Variants in EPN3 observed in about 807,000 individuals in gnomAD.
The protein encoded by EPN3 is epsin-3.
EPN3 carries 56 observed loss-of-function variants against 55.5 expected under a neutral mutation model. The observed-to-expected ratio is 1.01, with a 90% CI of 0.81 to 1.26. The LOEUF (loss-of-function observed/expected upper bound fraction) is 1.26. Among genes scored for constraint, EPN3 ranks in the 50% most tolerant of loss-of-function variants. EPN3 has a pLI of 0.00. For synonymous variants in EPN3, 449 were observed against 375.2 expected, an observed-to-expected ratio of 1.20 and a Z score of -2.27; for missense variants, 927 against 853.4, an observed-to-expected ratio of 1.09 and a Z score of -1.07.
rs1326596252 is a variant in EPN3, at chr17:50,536,921, ACGTGCG to A, written c.368_373del (p.Val123_Arg124del). On this transcript the variant is annotated inframe_deletion, in exon 2 of 10. Coordinates refer to ENST00000268933, the MANE Select transcript of EPN3 (RefSeq NM_017957.3). ...CGCGACGGCAAGGACCAGGGCGTCA[ACGTGCG>A]CGAGAAGGTCAAGCAGGTGATGGCC... 6.2e-7 allele frequency: 1 copy of A among 1,614,158 alleles called. No individual in the cohort carries two copies. The highest frequency in any genetic ancestry group is 2.2e-5 in the East Asian group (1 of 44,884).
chr17:50,538,292 C>A, intron 3 of EPN3, 95 bp downstream of exon 3: 3 of 950,494 alleles, frequency 3.2e-6, no homozygotes, highest in East Asian at 2.6e-5. Context: ...CTCTGTCACC[C>A]AAAGCCCCAG....
At chr17:50,539,416 T>C (rs1395324295) in intron 5 of EPN3, 101 bp downstream of exon 5, 1 of 1,526,412 alleles carries the variant, frequency 6.6e-7, no homozygotes, top group Non-Finnish European at 8.9e-7. Context: ...TAGTAAGCAC[T>C]GATGTGTTTA....
At position 50,542,597 on chromosome 17, in the gene EPN3, A is replaced by C; in HGVS notation, c.*440A>C. 5.5e-6 allele frequency: 1 copy of C among 180,822 alleles called. No individual in the cohort carries two copies. The highest frequency in any genetic ancestry group is 1.1e-5 in the Non-Finnish European group (1 of 88,248). The allele number at this position is 180,822 out of a possible 1,614,324, so 11.2% of individuals were successfully genotyped here. ...CGGTCATTTCATTCATTTATCACAC[A>C]TGGGCACTGGGGTTGGGCTAACAGC... On this transcript the variant is annotated 3_prime_UTR_variant, in exon 10 of 10. Coordinates refer to ENST00000268933, the MANE Select transcript of EPN3 (RefSeq NM_017957.3).
chr17:50,532,837 G>A lies in EPN3; in HGVS notation c.-285G>A, dbSNP rs879453134. The A allele has an allele frequency of 1.7e-5, 21 of 1,248,222 alleles. No homozygotes were observed. Among genetic ancestry groups the A allele is most frequent in the Non-Finnish European group, 2.1e-5 (20 of 955,584 alleles). The allele number at this position is 1,248,222 out of a possible 1,614,324, so 77.3% of individuals were successfully genotyped here. On this transcript the variant is annotated 5_prime_UTR_variant, in exon 1 of 10. Coordinates refer to ENST00000268933, the MANE Select transcript of EPN3 (RefSeq NM_017957.3). ...CCCCTCTGAGGGGTCTGCACCTCCT[G>A]GGAGCAGGTGGGTCTCTGGGACGAG...
chr17:50,533,050 C>A, intron 1 of EPN3, 65 bp downstream of exon 1: 2 of 1,046,728 alleles, frequency 1.9e-6, no homozygotes, highest in South Asian at 1.3e-5. Context: ...TGGTGGGGAG[C>A]AAACAGTGGT....
chr17:50,540,465 TC>T, intron 6 of EPN3, 131 bp downstream of exon 6: 1 of 861,710 alleles, frequency 1.2e-6, no homozygotes, highest in Non-Finnish European at 1.8e-6. Context: ...ACCTTGAGCC[TC>T]CGCCGCCTGT....
At chr17:50,540,452 AC>A in intron 6 of EPN3, 118 bp downstream of exon 6, 1 of 969,714 alleles carries the variant, frequency 1.0e-6, no homozygotes, top group Non-Finnish European at 1.5e-6. Context: ...CAAGTCACTC[AC>A]CACCTTGAGC....
Position 50,537,107 on chromosome 17 carries a change from C to T in EPN3, c.551C>T (p.Ser184Phe). Residue 184 changes from serine to phenylalanine, a missense_variant, in exon 2 of 10, where the codon TCC becomes TTC. Physicochemically the swap from Ser to Phe is radical, Grantham distance 155. Coordinates refer to ENST00000268933, the MANE Select transcript of EPN3 (RefSeq NM_017957.3). ...EDYSRSRGSP[S>F]SYNSSSSSPR... ...TACAGCCGCTCCCGGGGCTCCCCGT[C>T]CTCCTACAACTGTGAGTAAGCCCCG... The T allele has an allele frequency of 1.3e-6, 2 of 1,599,932 alleles. No individual in the cohort carries two copies.
intron 1 of EPN3, 126 bp from the exon 2 acceptor site, chr17:50,536,295 C>A: frequency 3.1e-6 from 2 of 646,760 alleles, no homozygotes; most frequent in Non-Finnish European, 2.5e-6. Flanking sequence ...GAAATAAGAA[C>A]GTGTGCCGCT....
In EPN3 at chr17:50,532,799, G is replaced by A. The variant is rs746329397; in HGVS notation, c.-323G>A. 473 of 992,034 alleles carry A rather than the reference G, an allele frequency of 4.8e-4. 4 individuals carry two copies. In the Middle Eastern group the frequency reaches 6.1e-3, roughly 13 times the overall value. 61.5% of individuals were successfully genotyped at this position (992,034 alleles called of 1,614,324 possible). Reference sequence around the variant, plus strand: ...GGGAAGAGCTGCTACCCATTCCAGGGACCCTGCCGCTGCCCCTCTGAGGGG... The same window carrying A: ...GGGAAGAGCTGCTACCCATTCCAGGAACCCTGCCGCTGCCCCTCTGAGGGG... On this transcript the variant is annotated 5_prime_UTR_variant, in exon 1 of 10. Transcript: ENST00000268933.
rs1459379989 is a variant in EPN3, at chr17:50,537,026, AG to A, written c.473del (p.Gly158AlafsTer63). 8 of 1,613,160 alleles carry A rather than the reference AG, an allele frequency of 5.0e-6. No homozygotes were observed. Among genetic ancestry groups the A allele is most frequent in the Non-Finnish European group, 6.8e-6 (8 of 1,179,942 alleles). ...ALKTKERMAL[E>X]GIGIGSGQLG... is the part of the protein sequence containing the mutation. ...AAGACCAAGGAGCGCATGGCACTGGAGGGCATCGGCATTGGCAGTGGGCAGC... is the reference window on the plus strand; with the variant it reads ...AAGACCAAGGAGCGCATGGCACTGGAGGCATCGGCATTGGCAGTGGGCAGC... On this transcript the variant is annotated frameshift_variant, in exon 2 of 10. Coordinates refer to ENST00000268933, the MANE Select transcript of EPN3 (RefSeq NM_017957.3). LOFTEE classifies it high-confidence loss of function.
At chr17:50,538,641 A>C (rs932264946) in intron 3 of EPN3, 1 of 454,964 alleles carries the variant, frequency 2.2e-6, no homozygotes, top group Non-Finnish European at 3.9e-6. Context: ...CTCACACAGG[A>C]GGGCCTGAGG....
Position 50,536,652 on chromosome 17 carries a change from C to T in EPN3, c.96C>T (p.Pro32=). 6.2e-7 allele frequency: 1 copy of T among 1,614,064 alleles called. No individual in the cohort carries two copies. The highest frequency in any genetic ancestry group is 1.1e-5 in the South Asian group (1 of 91,086). ...IKVREATSND[P]WGPPSSLMSE... ...TGCGCGAGGCCACCAGCAATGACCCCTGGGGCCCCCCTAGTTCGCTCATGT... is the reference window on the plus strand; with the variant it reads ...TGCGCGAGGCCACCAGCAATGACCCTTGGGGCCCCCCTAGTTCGCTCATGT... The change falls in exon 2 of 10, where the codon CCC becomes CCT. Residue 32 remains proline, a synonymous_variant. Coordinates refer to ENST00000268933, the MANE Select transcript of EPN3 (RefSeq NM_017957.3).
At chr17:50,541,734 T>A in intron 9 of EPN3, 40 bp downstream of exon 9, 1 of 1,609,760 alleles carries the variant, frequency 6.2e-7, no homozygotes, top group African/African-American at 1.3e-5. Context: ...GGGCTCCTGC[T>A]TTCAGAGCCT....
chr17:50,542,118 G>GCCCCCGC lies in EPN3; in HGVS notation c.1865_1871dup (p.Gln625AlafsTer165). ...CCACGCCGAGCTCAGCCGGGCCGCG[G>GCCCCCGC]CCCCCGCCCCCGCAGACCGGCACCA... On this transcript the variant is annotated frameshift_variant, in exon 10 of 10. Transcript: ENST00000268933. LOFTEE classifies it high-confidence loss of function. The GCCCCCGC allele has an allele frequency of 6.6e-7, 1 of 1,523,172 alleles. No homozygotes were observed. Among genetic ancestry groups the GCCCCCGC allele is most frequent in the Non-Finnish European group, 8.7e-7 (1 of 1,144,318 alleles). The allele number at this position is 1,523,172 out of a possible 1,614,324, so 94.4% of individuals were successfully genotyped here.
Position 50,541,663 on chromosome 17 carries a change from G to A in EPN3, c.1554G>A (p.Gln518=). ...VNLDSLVKAP[Q]VAKTRNPFLT... ...TTGACTCGTTGGTCAAGGCACCCCA[G>A]GTTGCAAAGACCCGGAACCCCTTCC... Residue 518 remains glutamine (Q), a synonymous_variant, in exon 9 of 10, where the codon CAG becomes CAA. Coordinates refer to ENST00000268933, the MANE Select transcript of EPN3 (RefSeq NM_017957.3). 1 of 1,614,112 alleles carries A rather than the reference G, an allele frequency of 6.2e-7. No individual in the cohort carries two copies. The highest frequency in any genetic ancestry group is 8.5e-7 in the Non-Finnish European group (1 of 1,180,016).
At position 50,542,102 on chromosome 17, in the gene EPN3, G is replaced by C. The variant is rs758620887; in HGVS notation, c.1844G>C (p.Ser615Thr). The change falls in exon 10 of 10, where the codon AGC becomes ACC. Residue 615 changes from serine to threonine, a missense_variant. Ser to Thr is a moderately conservative substitution (Grantham distance 58). Transcript: ENST00000268933. Reference sequence around the variant, plus strand: ...CCGCAGCCGCTGCTGCCCACGCCGAGCTCAGCCGGGCCGCGGCCCCCGCCC... The same window carrying C: ...CCGCAGCCGCTGCTGCCCACGCCGACCTCAGCCGGGCCGCGGCCCCCGCCC... ...FAPQPLLPTP[S>T]SAGPRPPPPQ... 93 of 1,548,784 alleles carry C rather than the reference G, an allele frequency of 6.0e-5. No homozygotes were observed. The Admixed American group carries it at 1.6e-3, about 27-fold the overall frequency.
intron 2 of EPN3, 182 bp from the exon 3 acceptor site, chr17:50,537,897 A>C (rs1217628944): frequency 1.4e-5 from 8 of 576,386 alleles, no homozygotes; most frequent in Admixed American, 6.3e-5. Context: ...CCGCCCCTCC[A>C]TCCGGGATGG....
intron 1 of EPN3, chr17:50,534,303 C>T (rs1369223846): frequency 8.2e-6 from 5 of 610,954 alleles, no homozygotes; most frequent in East Asian, 2.8e-4. Context: ...GAGAAAGGTC[C>T]AGGCAGGGCC....
Sources: gnomAD v4.1 joint callset for allele counts on GRCh38, gnomAD v4.1.1 for gene constraint, MANE v1.5 for transcripts, NCBI Gene and HGNC (gene_info 2026-07-23, HGNC 2026-07-21) for gene names.